GGT6: variants seen among roughly 807,000 people sequenced by gnomAD.
GGT6 encodes gamma-glutamyltransferase 6.
A neutral mutation model predicts 17.0 loss-of-function variants in GGT6; 13 were observed. The observed-to-expected ratio is 0.77, with a 90% CI of 0.50 to 1.22. GGT6 has a LOEUF of 1.22. Ranked by LOEUF, GGT6 falls within the 50% of genes most tolerant of loss-of-function variation. The pLI, the probability that GGT6 is intolerant of heterozygous loss-of-function variation, is 0.00. For missense variants in GGT6, 628 were observed against 643.7 expected, an observed-to-expected ratio of 0.98 and a Z score of 0.26; for synonymous variants, 305 against 297.9, an observed-to-expected ratio of 1.02 and a Z score of -0.25.
chr17:4,558,990 TG>T lies in GGT6; in HGVS notation c.524del (p.Pro175GlnfsTer34). On this transcript the variant is annotated frameshift_variant, in exon 4 of 4. Transcript: ENST00000381550. LOFTEE classifies it low-confidence loss of function (END_TRUNC). ...SGNSTALTSGPAQTLAPGLGL... is the reference protein window; with the variant it reads ...SGNSTALTSGXAQTLAPGLGL... ...CCAGGCCGGGGGCCAGGGTCTGTGC[TG>T]GGCCTGATGTCAGGGCCGTGGAATT... The T allele has an allele frequency of 6.5e-7, 1 of 1,545,768 alleles. No individual in the cohort carries two copies. Among genetic ancestry groups the T allele is most frequent in the Non-Finnish European group, 8.7e-7 (1 of 1,146,958 alleles).
chr17:4,559,423 A>G lies in GGT6; in HGVS notation c.377T>C (p.Val126Ala), dbSNP rs1908464414. Residue 126 changes from valine (V) to alanine (A), a missense_variant, in exon 3 of 4, where the codon GTT (valine) becomes GCT (alanine). Val to Ala is a moderately conservative substitution (Grantham distance 64). Coordinates refer to ENST00000381550, the MANE Select transcript of GGT6 (RefSeq NM_001288702.2). ...AGCATCCACGACGTTGCCCCCGGCA[A>G]CAAGCAGCTCTCGGCCTAGGTGGGA... ...TCSHLGRELL[V>A]AGGNVVDAGV... 1 of 1,551,980 alleles carries G rather than the reference A, an allele frequency of 6.4e-7. No homozygotes were observed. Among genetic ancestry groups the G allele is most frequent in the African/African-American group, 1.4e-5 (1 of 73,180 alleles).
chr17:4,559,529 T>C, intron 2 of GGT6, 29 bp downstream of exon 2: 1 of 1,597,260 alleles, frequency 6.3e-7, no homozygotes, highest in Non-Finnish European at 8.6e-7. Flanking sequence ...GACCCTCCCC[T>C]CCCCAAGCCG....
chr17:4,556,779 A>T (rs1834937599), downstream of GGT6: 1 of 128,116 alleles, frequency 7.8e-6, no homozygotes. Flanking sequence ...AGGAGGCAGG[A>T]GGTGAGCGGA....
rs796312479 is a variant in GGT6, at chr17:4,560,437, C to T, written c.85G>A (p.Glu29Lys). ...AGAACCAGCGCCTCTGATGTCTCCTCCTCCTCCACTTCCTCCTCCGACTCC... is the reference window on the plus strand; with the variant it reads ...AGAACCAGCGCCTCTGATGTCTCCTTCTCCTCCACTTCCTCCTCCGACTCC... The part of the protein sequence containing the change: ...SLESEEEVEE[E>K]ETSEALVLNP... The change falls in exon 1 of 4, where the codon GAG (glutamate) becomes AAG (lysine). Residue 29 changes from glutamate (E) to lysine (K), a missense_variant. Coordinates refer to ENST00000381550, the MANE Select transcript of GGT6 (RefSeq NM_001288702.2). The T allele has an allele frequency of 5.0e-6, 8 of 1,613,856 alleles. No individual in the cohort carries two copies. Among genetic ancestry groups the T allele is most frequent in the African/African-American group, 4.0e-5 (3 of 74,940 alleles).
rs1908477908 is a variant in GGT6 at position 4,559,551 on chromosome 17, G to C, written c.343+7C>G. ...CCCTCCCCAAGCCGCCCCCAGCACTGACTGACCTGCAGGGCTGATGATGGC... is the reference window on the plus strand; with the variant it reads ...CCCTCCCCAAGCCGCCCCCAGCACTCACTGACCTGCAGGGCTGATGATGGC... On this transcript the variant is annotated splice_region_variant and intron_variant, in intron 2 of 3. Coordinates refer to ENST00000381550, the MANE Select transcript of GGT6 (RefSeq NM_001288702.2). 5 of 1,612,886 alleles carry C rather than the reference G, an allele frequency of 3.1e-6. No individual in the cohort carries two copies. The highest frequency in any genetic ancestry group is 4.2e-6 in the Non-Finnish European group (5 of 1,179,776).
At chr17:4,556,517 G>C (rs956141686), downstream of GGT6, among the ~76,000 whole-genome samples, 5 of 152,194 alleles carry the variant, frequency 3.3e-5, no homozygotes, top group Non-Finnish European at 7.4e-5. Flanking sequence ...CAATGGCAGG[G>C]GAGGGGAACT....
chr17:4,559,374 C>T lies in GGT6; in HGVS notation c.426G>A (p.Leu142=), dbSNP rs1597397341. 6.4e-7 allele frequency: 1 copy of T among 1,551,676 alleles called. No individual in the cohort carries two copies. Residue 142 remains leucine, a synonymous_variant, in exon 3 of 4, where the codon CTG becomes CTA. Transcript: ENST00000381550. ...CCGTGGCATGAGGATGCACCACTGCCAGGCACAATGCAGCTCCAACTCCAG... is the reference window on the plus strand; with the variant it reads ...CCGTGGCATGAGGATGCACCACTGCTAGGCACAATGCAGCTCCAACTCCAG... ...VDAGVGAALC[L]AVVHPHATGL... is the part of the protein sequence containing the mutation.
At chr17:4,560,271 TG>T in intron 1 of GGT6, 110 bp downstream of exon 1, 1 of 1,240,558 alleles carries the variant, frequency 8.1e-7, no homozygotes, top group Non-Finnish European at 1.1e-6. Context: ...GTACAGTGCC[TG>T]GAGCTAAACC....
intron 1 of GGT6, 147 bp from the exon 2 acceptor site, chr17:4,559,907 G>A: frequency 1.5e-6 from 1 of 687,370 alleles, no homozygotes; most frequent in South Asian, 1.9e-5. Context: ...GGCAGCGGGT[G>A]CATCTTGGGC....
intron 1 of GGT6, 111 bp from the exon 2 acceptor site, chr17:4,559,871 A>G (rs1182996052): frequency 3.1e-6 from 3 of 981,090 alleles, no homozygotes; most frequent in East Asian, 2.6e-5. Flanking sequence ...GAGGAGCACA[A>G]GTCAGCCAAG....
intron 1 of GGT6, 108 bp downstream of exon 1, chr17:4,560,274 A>C: frequency 7.9e-7 from 1 of 1,263,536 alleles, no homozygotes; most frequent in Non-Finnish European, 1.1e-6. Context: ...CAGTGCCTGG[A>C]GCTAAACCCA....
chr17:4,559,060 G>A lies in GGT6; in HGVS notation c.458-3C>T, dbSNP rs1489932826. ...GAAGAGGCCCCAAAACATGGCACCTGCAGGAGACAGAGGGGTCCCTCAGCA... is the reference window on the plus strand; with the variant it reads ...GAAGAGGCCCCAAAACATGGCACCTACAGGAGACAGAGGGGTCCCTCAGCA... On this transcript the variant is annotated splice_polypyrimidine_tract_variant and splice_region_variant and intron_variant, in intron 3 of 3. Transcript: ENST00000381550. 1.3e-6 allele frequency: 2 copies of A among 1,539,918 alleles called. No homozygotes were observed. Among genetic ancestry groups the A allele is most frequent in the Non-Finnish European group, 1.7e-6 (2 of 1,146,840 alleles).
At chr17:4,560,025 G>C in intron 1 of GGT6, 1 of 581,394 alleles carries the variant, frequency 1.7e-6, no homozygotes, top group African/African-American at 1.9e-5. Flanking sequence ...GGGAGGCCCA[G>C]TGGGGTGTGG....
Position 4,559,577 on chromosome 17 carries a change from A to C in GGT6, c.324T>G (p.Gly108=). The change falls in exon 2 of 4, where the codon GGT becomes GGG. Residue 108 remains glycine, a synonymous_variant. Coordinates refer to ENST00000381550, the MANE Select transcript of GGT6 (RefSeq NM_001288702.2). ...HSHGPGVYHH[G]AIISPAATCS... ...ACTGACCTGCAGGGCTGATGATGGCACCGTGGTGGTATACGCCAGGGCCGT... is the reference window on the plus strand; with the variant it reads ...ACTGACCTGCAGGGCTGATGATGGCCCCGTGGTGGTATACGCCAGGGCCGT... The C allele has an allele frequency of 6.2e-7, 1 of 1,613,704 alleles. No homozygotes were observed. Among genetic ancestry groups the C allele is most frequent in the Non-Finnish European group, 8.5e-7 (1 of 1,179,962 alleles).
In GGT6 at chr17:4,558,749, T is replaced by C; in HGVS notation, c.766A>G (p.Thr256Ala). Residue 256 changes from threonine (T) to alanine (A), a missense_variant, in exon 4 of 4, where the codon ACC becomes GCC. Physicochemically the swap from Thr to Ala is moderately conservative, Grantham distance 58. Coordinates refer to ENST00000381550, the MANE Select transcript of GGT6 (RefSeq NM_001288702.2). ...AGCACAGCTGCCAGTTGTGGGTTGG[T>C]GGCTCGGGCCCCAGCGCCCAGGGGT... ...GTPLGAGARA[T>A]NPQLAAVLRS... 2 of 1,589,176 alleles carry C rather than the reference T, an allele frequency of 1.3e-6. No homozygotes were observed. The highest frequency in any genetic ancestry group is 1.7e-6 in the Non-Finnish European group (2 of 1,169,100).
rs1016400174 is a variant in GGT6 at position 4,557,615 on chromosome 17, ATTTT to A, written c.*396_*399del. On this transcript the variant is annotated 3_prime_UTR_variant, in exon 4 of 4. Coordinates refer to ENST00000381550, the MANE Select transcript of GGT6 (RefSeq NM_001288702.2). ...CAGGCATGAGCCACCGCACCCAGCT[ATTTT>A]TTTATTATTATTATTATTATTTTAA... is the stretch of plus-strand genomic sequence containing the variant. 1.4e-5 allele frequency: 2 copies of A among 145,780 alleles called. No individual in the cohort carries two copies. The highest frequency in any genetic ancestry group is 7.0e-5 in the Admixed American group (1 of 14,238). 9.0% of individuals were successfully genotyped at this position (145,780 alleles called of 1,614,324 possible).
chr17:4,558,545 G>A lies in GGT6; in HGVS notation c.970C>T (p.Pro324Ser), dbSNP rs574722944. Residue 324 changes from proline (P) to serine (S), a missense_variant, in exon 4 of 4, where the codon CCA becomes TCA. Physicochemically the swap from Pro to Ser is moderately conservative, Grantham distance 74. Coordinates refer to ENST00000381550, the MANE Select transcript of GGT6 (RefSeq NM_001288702.2). Reference protein sequence around the residue: ...LFTTPSPSAGPELLALLEAAL... With the variant: ...LFTTPSPSAGSELLALLEAAL... ...GCCTCCAACAGTGCCAGCAGTTCTG[G>A]GCCAGCTGAGGGACTGGGGGTGGTG... 2.5e-6 allele frequency: 4 copies of A among 1,575,910 alleles called. No individual in the cohort carries two copies. The highest frequency in any genetic ancestry group is 1.3e-5 in the African/African-American group (1 of 74,610).
At position 4,559,357 on chromosome 17, in the gene GGT6, T is replaced by A; in HGVS notation, c.443A>T (p.His148Leu). The change falls in exon 3 of 4, where the codon CAT becomes CTT. Residue 148 changes from histidine to leucine, a missense_variant. His to Leu is a moderately conservative substitution (Grantham distance 99). Coordinates refer to ENST00000381550, the MANE Select transcript of GGT6 (RefSeq NM_001288702.2). The stretch of plus-strand genomic sequence containing the variant: ...GGGTCACTGACCTAGCCCCGTGGCA[T>A]GAGGATGCACCACTGCCAGGCACAA... ...AALCLAVVHPHATGLGAMFWG... is the reference protein window; with the variant it reads ...AALCLAVVHPLATGLGAMFWG... 1 of 1,551,096 alleles carries A rather than the reference T, an allele frequency of 6.4e-7. No homozygotes were observed.
chr17:4,557,799 A>C lies in GGT6; in HGVS notation c.*216T>G, dbSNP rs1310042875. 4.3e-6 allele frequency: 2 copies of C among 462,380 alleles called. No individual in the cohort carries two copies. Among genetic ancestry groups the C allele is most frequent in the Non-Finnish European group, 7.6e-6 (2 of 263,036 alleles). 28.6% of individuals were successfully genotyped at this position (462,380 alleles called of 1,614,324 possible). On this transcript the variant is annotated 3_prime_UTR_variant, in exon 4 of 4. Transcript: ENST00000381550. ...TGCCACCGCCCCTGGCAAATTTTTAAATTTTTAGTACAGATGAGATCTTGC... is the reference window on the plus strand; with the variant it reads ...TGCCACCGCCCCTGGCAAATTTTTACATTTTTAGTACAGATGAGATCTTGC...
Sources: allele counts gnomAD v4.1 joint callset (sites outside exome capture counted in the v4.1 genomes callset), GRCh38; gene constraint gnomAD v4.1.1; transcripts MANE v1.5; gene names NCBI Gene and HGNC (gene_info 2026-07-23, HGNC 2026-07-21).